Variants in CTNND2 observed in about 807,000 individuals in gnomAD.
CTNND2 encodes catenin delta-2.
Under a neutral mutation model 144.4 loss-of-function variants are expected in CTNND2, and 22 were observed. The ratio of observed to expected loss-of-function variants is 0.15; its 90% CI spans 0.11 to 0.22. The LOEUF (loss-of-function observed/expected upper bound fraction) is 0.22. CTNND2 is among the 10% of genes least tolerant of loss of function. The pLI is 1.00. For missense variants in CTNND2, 1,353 were observed against 1,618.8 expected, an observed-to-expected ratio of 0.84 and a Z score of 2.82; for synonymous variants, 751 against 695.6, an observed-to-expected ratio of 1.08 and a Z score of -1.25.
intron 17 of CTNND2, among the ~76,000 whole-genome samples, chr5:11,021,832 G>A (rs1742288649): frequency 6.6e-6 from 1 of 151,966 alleles, no homozygotes; most frequent in Admixed American, 6.6e-5. Context: ...GGGTGGCTTG[G>A]CAGGGAATGA....
At chr5:11,436,498 A>G (rs1206565371) in intron 3 of CTNND2, among the ~76,000 whole-genome samples, 3 of 152,210 alleles carry the variant, frequency 2.0e-5, no homozygotes, top group African/African-American at 4.8e-5. Context: ...CTCATCATGC[A>G]CAGTATTTTG....
intron 3 of CTNND2, among the ~76,000 whole-genome samples, chr5:11,427,873 A>T (rs1400775807): frequency 6.6e-6 from 1 of 152,172 alleles, no homozygotes; most frequent in African/African-American, 2.4e-5. Flanking sequence ...GCTGCTGATA[A>T]AGACATACTC....
intron 10 of CTNND2, among the ~76,000 whole-genome samples, chr5:11,206,546 T>G (rs1345615335): frequency 6.6e-6 from 1 of 152,218 alleles, no homozygotes; most frequent in East Asian, 1.9e-4. Flanking sequence ...CGTGTAAATT[T>G]TGAGCTGTCC....
rs746823360 is a variant in CTNND2 at position 11,702,891 on chromosome 5, C to T, written c.174+29245G>A. ...CCCCAAACTGGGTCAAAGAGCCAAGCTCTCTACTTAATTTGGAGGACAGGC... is the reference window on the plus strand; with the variant it reads ...CCCCAAACTGGGTCAAAGAGCCAAGTTCTCTACTTAATTTGGAGGACAGGC... On this transcript the variant is annotated intron_variant, in intron 2 of 21. Transcript: ENST00000304623. Among the ~76,000 whole-genome samples the T allele has an allele frequency of 5.3e-4, 81 of 152,230 alleles. 5 individuals are homozygous for T. Among genetic ancestry groups the T allele is most frequent in the Non-Finnish European group, 8.8e-5 (6 of 68,044 alleles).
At chr5:11,388,043 A>G (rs892432225) in intron 6 of CTNND2, among the ~76,000 whole-genome samples, 1 of 152,228 alleles carries the variant, frequency 6.6e-6, no homozygotes, top group Non-Finnish European at 1.5e-5. Flanking sequence ...TGAGCTGTAG[A>G]CATTTTGACA....
chr5:11,105,905 G>T (rs1045412694), intron 14 of CTNND2, among the ~76,000 whole-genome samples: 9 of 152,206 alleles, frequency 5.9e-5, no homozygotes, highest in Non-Finnish European at 1.2e-4. Context: ...AGAGGAACGG[G>T]CGGCAGCTGA....
At chr5:11,796,430 A>T (rs924822894) in intron 1 of CTNND2, among the ~76,000 whole-genome samples, 3 of 152,238 alleles carry the variant, frequency 2.0e-5, no homozygotes, top group African/African-American at 7.2e-5. Flanking sequence ...TTCTTCCCAT[A>T]GAGCCTTATC....
At chr5:11,603,552 G>C (rs1330755794) in intron 2 of CTNND2, among the ~76,000 whole-genome samples, 2 of 152,084 alleles carry the variant, frequency 1.3e-5, no homozygotes, top group Admixed American at 1.3e-4. Context: ...GGAATTCAGA[G>C]TAAATGGCTA....
At chr5:11,002,563 G>T (rs1740066677) in intron 18 of CTNND2, among the ~76,000 whole-genome samples, 3 of 152,218 alleles carry the variant, frequency 2.0e-5, no homozygotes, top group Admixed American at 2.0e-4. Flanking sequence ...TCAAATGAAG[G>T]TTGAGTGGAT....
At chr5:11,156,558 G>A (rs952975118) in intron 12 of CTNND2, among the ~76,000 whole-genome samples, 4 of 152,134 alleles carry the variant, frequency 2.6e-5, no homozygotes, top group African/African-American at 7.2e-5. Context: ...AGCTACAGAA[G>A]CAAACCAAAA....
chr5:11,551,442 T>TTC (rs1332461520), intron 3 of CTNND2, among the ~76,000 whole-genome samples: 1 of 148,150 alleles, frequency 6.7e-6, no homozygotes, highest in African/African-American at 2.5e-5. Context: ...CTTTTTTTTT[T>TTC]TTTTTTTTTT....
At chr5:11,901,746 A>G (rs1737906213) in intron 1 of CTNND2, among the ~76,000 whole-genome samples, 1 of 152,128 alleles carries the variant, frequency 6.6e-6, no homozygotes, top group Non-Finnish European at 1.5e-5. Flanking sequence ...ATAACATAAA[A>G]CCCACATATA....
At chr5:11,698,764 G>T (rs946230277) in intron 2 of CTNND2, among the ~76,000 whole-genome samples, 5 of 151,860 alleles carry the variant, frequency 3.3e-5, no homozygotes, top group Non-Finnish European at 7.4e-5. Flanking sequence ...GAAAGCAATG[G>T]AGCTAGTACC....
chr5:11,336,797 G>C (rs1203615334), intron 9 of CTNND2, among the ~76,000 whole-genome samples: 1 of 151,982 alleles, frequency 6.6e-6, no homozygotes, highest in Non-Finnish European at 1.5e-5. Flanking sequence ...TAATTTATGT[G>C]TACATACAAA....
chr5:11,493,068 C>T (rs552997103), intron 3 of CTNND2, among the ~76,000 whole-genome samples: 1 of 152,210 alleles, frequency 6.6e-6, no homozygotes, highest in South Asian at 2.1e-4. Flanking sequence ...CCAGATCCTG[C>T]CATTACACTC....
chr5:10,990,838 A>G (rs1374136031), intron 19 of CTNND2, among the ~76,000 whole-genome samples: 1 of 152,180 alleles, frequency 6.6e-6, no homozygotes, highest in African/African-American at 2.4e-5. Flanking sequence ...CTGGTTGAAC[A>G]CAGCCCTGCC....
chr5:11,413,790 CTTCTATAT>C (rs1265354441), intron 3 of CTNND2, among the ~76,000 whole-genome samples: 1 of 152,044 alleles, frequency 6.6e-6, no homozygotes, highest in Non-Finnish European at 1.5e-5. Flanking sequence ...CAACTTCATT[CTTCTATAT>C]TTTAAGGCTG....
chr5:11,191,625 G>A (rs909078377), intron 11 of CTNND2, among the ~76,000 whole-genome samples: 5 of 152,128 alleles, frequency 3.3e-5, no homozygotes, highest in South Asian at 2.1e-4. Flanking sequence ...TGAGGGCTGC[G>A]GGCAGAGGGC....
At chr5:11,660,631 G>A (rs999614677) in intron 2 of CTNND2, among the ~76,000 whole-genome samples, 1 of 152,090 alleles carries the variant, frequency 6.6e-6, no homozygotes, top group Non-Finnish European at 1.5e-5. Context: ...TAGAATTTGG[G>A]AGGAAAAACA....
Sources: gnomAD v4.1 joint callset for allele counts (sites outside exome capture counted in the v4.1 genomes callset) on GRCh38, gnomAD v4.1.1 for gene constraint, MANE v1.5 for transcripts, NCBI Gene and HGNC (gene_info 2026-07-23, HGNC 2026-07-21) for gene names.